NUP54: variants seen among roughly 807,000 people sequenced by gnomAD.
The protein encoded by NUP54 is nucleoporin p54.
A neutral mutation model predicts 66.4 loss-of-function variants in NUP54; 27 were observed. The ratio of observed to expected loss-of-function variants is 0.41; its 90% CI spans 0.30 to 0.56. The LOEUF (loss-of-function observed/expected upper bound fraction) is 0.56, where lower values mean the gene tolerates loss of function less well. Ranked by LOEUF, NUP54 falls within the 20% of genes least tolerant of loss-of-function variation. NUP54 has a pLI of 0.34. For missense variants in NUP54, 486 were observed against 596.3 expected (o/e 0.82, Z 1.93); for synonymous variants, 206 against 210.7 (o/e 0.98, Z 0.19).
intron 2 of NUP54, 44 bp from the exon 3 acceptor site, chr4:76,144,336 A>C (rs78191005): frequency 6.3e-7 from 1 of 1,592,608 alleles, no homozygotes; most frequent in East Asian, 2.2e-5. Context: ...AAAAAAAAAA[A>C]AATCTGACCT....
At chr4:76,124,084 G>A (rs571667503) in intron 9 of NUP54, among the ~76,000 whole-genome samples, 26 of 151,912 alleles carry the variant, frequency 1.7e-4, no homozygotes, top group African/African-American at 5.6e-4. Context: ...TGAGTACTAA[G>A]TTCCTTTATT....
In NUP54 at chr4:76,124,659, C is replaced by T. The variant is rs149283689; in HGVS notation, c.1154G>A (p.Arg385Lys). The T allele has an allele frequency of 2.1e-4, 325 of 1,558,882 alleles. 1 individual carries two copies. In the African/African-American group the frequency reaches 4.0e-3, roughly 19 times the overall value. Residue 385 changes from arginine (R) to lysine (K), a missense_variant, in exon 9 of 12, where the codon AGA becomes AAA. Transcript: ENST00000264883. ...AATCCAAATTACTACCTGTAAAGTT[C>T]TATGGGAAAGATCCATGAGTTTCCT... is the stretch of plus-strand genomic sequence containing the variant. ...YKRKLMDLSHRTLQVLIKQEI... is the reference protein window; with the variant it reads ...YKRKLMDLSHKTLQVLIKQEI...
chr4:76,142,063 A>T (rs936325414), intron 3 of NUP54, among the ~76,000 whole-genome samples: 1 of 152,178 alleles, frequency 6.6e-6, no homozygotes, highest in Non-Finnish European at 1.5e-5. Flanking sequence ...CAATAAATGG[A>T]TATTACATAA....
chr4:76,140,442 C>T (rs966441287), intron 3 of NUP54, among the ~76,000 whole-genome samples: 1 of 151,884 alleles, frequency 6.6e-6, no homozygotes, highest in Non-Finnish European at 1.5e-5. Context: ...TGCACTACCA[C>T]GCCCATCTAA....
intron 3 of NUP54, among the ~76,000 whole-genome samples, chr4:76,138,978 TC>T (rs1476868714): frequency 1.3e-5 from 2 of 152,138 alleles, no homozygotes; most frequent in Non-Finnish European, 2.9e-5. Context: ...AAATCCTAAC[TC>T]CTTGGATACC....
At chr4:76,131,438 GAATA>G (rs1453483062) in intron 6 of NUP54, among the ~76,000 whole-genome samples, 154 bp from the exon 7 acceptor site, 2 of 151,724 alleles carry the variant, frequency 1.3e-5, no homozygotes, top group East Asian at 3.9e-4. Flanking sequence ...AATTTTTGCA[GAATA>G]AATAAAGTTC....
Position 76,117,671 on chromosome 4 carries a change from AT to A in NUP54, c.1387del (p.Ile463SerfsTer5). On this transcript the variant is annotated frameshift_variant, in exon 11 of 12. Coordinates refer to ENST00000264883, the MANE Select transcript of NUP54 (RefSeq NM_017426.4). LOFTEE classifies it high-confidence loss of function. The stretch of plus-strand genomic sequence containing the variant: ...GCCTCATGCAACACTTACCTGCTTG[AT>A]TTCTCGTAACAGATCTGCATCTATG... The part of the protein sequence containing the change: ...YYIDADLLRE[I>X]KQHLKQQQEG... 6.2e-7 allele frequency: 1 copy of A among 1,606,332 alleles called. No homozygotes were observed. Among genetic ancestry groups the A allele is most frequent in the Non-Finnish European group, 8.5e-7 (1 of 1,173,178 alleles).
chr4:76,125,231 G>A (rs1166613637), intron 8 of NUP54, among the ~76,000 whole-genome samples: 1 of 134,726 alleles, frequency 7.4e-6, no homozygotes, highest in Non-Finnish European at 1.7e-5. Context: ...ATGGAGCCGA[G>A]ATCGTGCCAC....
In NUP54 at chr4:76,132,654, G is replaced by A. The variant is rs777259079; in HGVS notation, c.776C>T (p.Thr259Ile). The stretch of plus-strand genomic sequence containing the variant: ...TTGTTCAAAATGGGCATATAGCGTT[G>A]TAGCTGGAACTCTTCTTGAAGTACC... ...PNGTSRRVPATTLYAHFEQAN... is the reference protein window; with the variant it reads ...PNGTSRRVPAITLYAHFEQAN... The change falls in exon 6 of 12, where the codon ACA (threonine) becomes ATA (isoleucine). Residue 259 changes from threonine (T) to isoleucine (I), a missense_variant. Thr to Ile is a moderately conservative substitution (Grantham distance 89). Around this residue, in one of 4 missense-constraint regions of NUP54, gnomAD observed 217 missense variants for 247.9 expected, o/e 0.88. Coordinates refer to ENST00000264883, the MANE Select transcript of NUP54 (RefSeq NM_017426.4). 6.2e-7 allele frequency: 1 copy of A among 1,614,014 alleles called. No individual in the cohort carries two copies. The highest frequency in any genetic ancestry group is 1.1e-5 in the South Asian group (1 of 91,072).
At chr4:76,136,090 G>A in intron 4 of NUP54, 96 bp downstream of exon 4, 1 of 819,844 alleles carries the variant, frequency 1.2e-6, no homozygotes, top group African/African-American at 1.7e-5. Flanking sequence ...TGTTCAAGGA[G>A]TAAAGATCCA....
chr4:76,120,421 C>CTTT (rs59098375), intron 9 of NUP54, among the ~76,000 whole-genome samples: 1 of 117,782 alleles, frequency 8.5e-6, no homozygotes, highest in Non-Finnish European at 1.7e-5. Flanking sequence ...AAAGGGATCT[C>CTTT]TTTTTTTTTT....
chr4:76,133,161 GTTCTGGGA>G (rs1406766893), intron 5 of NUP54, among the ~76,000 whole-genome samples: 2 of 151,684 alleles, frequency 1.3e-5, no homozygotes, highest in Non-Finnish European at 2.9e-5. Flanking sequence ...ACCTCCCAAA[GTTCTGGGA>G]TTACAGGTAT....
At chr4:76,131,945 T>A (rs1233210098) in intron 6 of NUP54, among the ~76,000 whole-genome samples, 1 of 152,162 alleles carries the variant, frequency 6.6e-6, no homozygotes, top group Admixed American at 6.5e-5. Context: ...GTAAGATTTA[T>A]CTTCATGTAT....
intron 1 of NUP54, chr4:76,147,725 T>G: frequency 9.4e-7 from 1 of 1,069,486 alleles, no homozygotes; most frequent in South Asian, 1.5e-5. Context: ...ATTAGAAGAA[T>G]CAGCAGGAGG....
At chr4:76,125,229 G>A (rs550011050) in intron 8 of NUP54, among the ~76,000 whole-genome samples, 166 of 151,892 alleles carry the variant, frequency 1.1e-3, no homozygotes, top group African/African-American at 3.8e-3. Flanking sequence ...GGATGGAGCC[G>A]AGATCGTGCC....
At chr4:76,122,646 G>C (rs915604130) in intron 9 of NUP54, among the ~76,000 whole-genome samples, 1 of 152,102 alleles carries the variant, frequency 6.6e-6, no homozygotes, top group South Asian at 2.1e-4. Flanking sequence ...AACAGTTTAC[G>C]TAGTTCCTCA....
At chr4:76,121,045 T>C (rs1481757839) in intron 9 of NUP54, among the ~76,000 whole-genome samples, 1 of 152,232 alleles carries the variant, frequency 6.6e-6, no homozygotes, top group Non-Finnish European at 1.5e-5. Context: ...GTTTATAGTT[T>C]CTAGCTTTTT....
At chr4:76,132,759 A>G (rs1428485027) in intron 5 of NUP54, 40 bp from the exon 6 acceptor site, 1 of 1,495,938 alleles carries the variant, frequency 6.7e-7, no homozygotes, top group Admixed American at 1.8e-5. Context: ...ATGGAGCACA[A>G]AACTCATAGC....
intron 3 of NUP54, among the ~76,000 whole-genome samples, chr4:76,142,801 G>A (rs1731317997): frequency 6.6e-6 from 1 of 152,114 alleles, no homozygotes; most frequent in South Asian, 2.1e-4. Context: ...AATAAGAATG[G>A]TAACTGCAAT....
Sources: gnomAD v4.1 joint callset for allele counts (sites outside exome capture counted in the v4.1 genomes callset) on GRCh38, gnomAD v4.1.1 for gene constraint, gnomAD v4.1.1 regional missense constraint, MANE v1.5 for transcripts, NCBI Gene and HGNC (gene_info 2026-07-23, HGNC 2026-07-21) for gene names.